CA10: variants seen among roughly 807,000 people sequenced by gnomAD.
CA10 encodes carbonic anhydrase 10 (inactive).
Under a neutral mutation model 44.2 loss-of-function variants are expected in CA10, and 14 were observed. That is an observed-to-expected ratio of 0.32 (90% confidence interval 0.21 to 0.50). The LOEUF (loss-of-function observed/expected upper bound fraction) is 0.50, where lower values mean the gene tolerates loss of function less well. Ranked by LOEUF, CA10 falls within the 20% of genes least tolerant of loss-of-function variation. The pLI, the probability that CA10 is intolerant of heterozygous loss-of-function variation, is 0.99. For missense variants in CA10, 350 were observed against 409.7 expected, an observed-to-expected ratio of 0.85 and a Z score of 1.26; for synonymous variants, 159 against 141.6, an observed-to-expected ratio of 1.12 and a Z score of -0.87.
chr17:51,772,151 A>G (rs956260122), intron 3 of CA10, among the ~76,000 whole-genome samples: 2 of 152,220 alleles, frequency 1.3e-5, no homozygotes, highest in African/African-American at 4.8e-5. Flanking sequence ...GGGGAGAACA[A>G]TAGTGGCTAC....
intron 2 of CA10, among the ~76,000 whole-genome samples, chr17:52,020,282 T>C (rs1166852822): frequency 6.6e-6 from 1 of 152,048 alleles, no homozygotes; most frequent in African/African-American, 2.4e-5. Flanking sequence ...TCAAATCCAA[T>C]GATACCCTCT....
chr17:52,020,899 G>C (rs1986117780), intron 2 of CA10, among the ~76,000 whole-genome samples: 1 of 151,980 alleles, frequency 6.6e-6, no homozygotes, highest in Non-Finnish European at 1.5e-5. Context: ...TGTACATGTA[G>C]TATTTGGGTT....
chr17:51,679,780 C>T (rs1207405075), intron 4 of CA10, among the ~76,000 whole-genome samples: 1 of 151,958 alleles, frequency 6.6e-6, no homozygotes, highest in Non-Finnish European at 1.5e-5. Context: ...AAGGAGATGC[C>T]GTACAGCAGA....
chr17:51,882,074 A>AG, intron 3 of CA10, among the ~76,000 whole-genome samples: 1 of 151,890 alleles, frequency 6.6e-6, no homozygotes, highest in East Asian at 1.9e-4. Context: ...AACAAAAAAA[A>AG]AAAAAAAGAA....
At chr17:51,642,850 C>A (rs557770643) in intron 6 of CA10, among the ~76,000 whole-genome samples, 19 of 152,206 alleles carry the variant, frequency 1.2e-4, no homozygotes, top group African/African-American at 4.6e-4. Context: ...ACCATGGTGG[C>A]CAGGCTCGTC....
intron 3 of CA10, among the ~76,000 whole-genome samples, chr17:51,903,087 T>C (rs1011474829): frequency 6.6e-6 from 1 of 152,146 alleles, no homozygotes; most frequent in African/African-American, 2.4e-5. Context: ...AGGATTATCA[T>C]CTAGTGGGAA....
At chr17:51,773,482 G>A (rs1038326318) in intron 3 of CA10, among the ~76,000 whole-genome samples, 3 of 152,212 alleles carry the variant, frequency 2.0e-5, no homozygotes, top group Admixed American at 6.5e-5. Context: ...GCCTGGTGGA[G>A]AAGTTGCTAG....
At chr17:51,806,054 A>G (rs1014732232) in intron 3 of CA10, among the ~76,000 whole-genome samples, 12 of 152,200 alleles carry the variant, frequency 7.9e-5, no homozygotes, top group African/African-American at 1.4e-4. Context: ...TTAATGAGCA[A>G]GGGTGAGAGT....
At chr17:51,941,650 T>C (rs1357433975) in intron 2 of CA10, among the ~76,000 whole-genome samples, 1 of 152,132 alleles carries the variant, frequency 6.6e-6, no homozygotes, top group Non-Finnish European at 1.5e-5. Context: ...AAAAGCTGAA[T>C]CTTCTTGGCT....
At chr17:52,039,411 A>G (rs1427265931) in intron 2 of CA10, among the ~76,000 whole-genome samples, 1 of 152,068 alleles carries the variant, frequency 6.6e-6, no homozygotes, top group African/African-American at 2.4e-5. Flanking sequence ...GCTTTAATTC[A>G]GGGAATGAAA....
At chr17:52,157,109 G>A (rs1598245349) in intron 1 of CA10, among the ~76,000 whole-genome samples, 1 of 152,302 alleles carries the variant, frequency 6.6e-6, no homozygotes, top group East Asian at 1.9e-4. Context: ...AAAAAACACC[G>A]TGATGTAAAG....
At chr17:52,031,468 C>T (rs137959290) in intron 2 of CA10, among the ~76,000 whole-genome samples, 63 of 152,162 alleles carry the variant, frequency 4.1e-4, no homozygotes, top group East Asian at 3.7e-3. Context: ...AACTCTCCAA[C>T]GGGTAAAGCA....
intron 3 of CA10, among the ~76,000 whole-genome samples, chr17:51,909,916 G>T (rs1981720121): frequency 6.6e-6 from 1 of 152,024 alleles, no homozygotes; most frequent in Non-Finnish European, 1.5e-5. Flanking sequence ...ACTACTGCAA[G>T]TTCTTCCACT....
At chr17:51,988,818 GA>G (rs1984936654) in intron 2 of CA10, among the ~76,000 whole-genome samples, 1 of 151,588 alleles carries the variant, frequency 6.6e-6, no homozygotes, top group Admixed American at 6.6e-5. Flanking sequence ...TATGCACATT[GA>G]AAAAAATGTG....
chr17:51,734,182 G>C (rs541970755), intron 4 of CA10, among the ~76,000 whole-genome samples: 1 of 145,514 alleles, frequency 6.9e-6, no homozygotes. Flanking sequence ...TTTGGTTGGG[G>C]GGGGGGGGTT....
At chr17:51,924,866 C>G (rs1481600613) in intron 3 of CA10, among the ~76,000 whole-genome samples, 1 of 152,156 alleles carries the variant, frequency 6.6e-6, no homozygotes, top group Non-Finnish European at 1.5e-5. Flanking sequence ...TGAGACTCTC[C>G]CTGATATAAT....
chr17:51,747,636 C>T lies in CA10; in HGVS notation c.462G>A (p.Gly154=), dbSNP rs1475474505. 1.2e-6 allele frequency: 2 copies of T among 1,609,912 alleles called. No homozygotes were observed. The highest frequency in any genetic ancestry group is 2.2e-5 in the East Asian group (1 of 44,872). ...EHLLNGQAFS[G]EVQLIHYNHE... ...GTACTTTGACAGACTAACATACCTC[C>T]CCAGAGAAGGCCTGTCCATTGAGGA... The change falls in exon 4 of 9, where the codon GGG becomes GGA. Residue 154 remains glycine (G), a synonymous_variant. Coordinates refer to ENST00000451037, the MANE Select transcript of CA10 (RefSeq NM_020178.5).
At chr17:51,874,234 C>T (rs931811181) in intron 3 of CA10, among the ~76,000 whole-genome samples, 3 of 152,176 alleles carry the variant, frequency 2.0e-5, no homozygotes, top group African/African-American at 7.2e-5. Flanking sequence ...GCTTTCATGG[C>T]CAGGACTATG....
intron 2 of CA10, among the ~76,000 whole-genome samples, chr17:51,944,048 C>T (rs1983184036): frequency 6.6e-6 from 1 of 152,072 alleles, no homozygotes; most frequent in African/African-American, 2.4e-5. Flanking sequence ...TCTAATTCTT[C>T]GTCCACCAAA....
Sources: gnomAD v4.1 joint callset for allele counts (sites outside exome capture counted in the v4.1 genomes callset) on GRCh38, gnomAD v4.1.1 for gene constraint, MANE v1.5 for transcripts, NCBI Gene and HGNC (gene_info 2026-07-23, HGNC 2026-07-21) for gene names.